CEP85: variants seen among roughly 807,000 people sequenced by gnomAD.
CEP85 encodes centrosomal protein of 85 kDa.
In CEP85, 58 loss-of-function variants were observed where a neutral mutation model predicts 93.7. The observed-to-expected ratio is 0.62, with a 90% CI of 0.50 to 0.77. CEP85 has a LOEUF of 0.77. CEP85 is among the 30% of genes least tolerant of loss of function. The pLI is 0.00. For missense variants in CEP85, 868 were observed against 922.0 expected, an observed-to-expected ratio of 0.94 and a Z score of 0.76; for synonymous variants, 314 against 338.6, an observed-to-expected ratio of 0.93 and a Z score of 0.80.
At position 26,255,586 on chromosome 1, in the gene CEP85, C is replaced by T; in HGVS notation, c.624C>T (p.His208=). ...YSDPHHRVRF[H]NPRTSTSKEL... Reference sequence around the variant, plus strand: ...ATCCTCACCACCGAGTCCGCTTCCACAACCCAAGAACCAGCACAAGTAAGG... The same window carrying T: ...ATCCTCACCACCGAGTCCGCTTCCATAACCCAAGAACCAGCACAAGTAAGG... Residue 208 remains histidine (H), a synonymous_variant, in exon 4 of 14, where the codon CAC becomes CAT. Coordinates refer to ENST00000451429, the MANE Select transcript of CEP85 (RefSeq NM_001319944.2). The T allele has an allele frequency of 6.2e-7, 1 of 1,614,154 alleles. No individual in the cohort carries two copies. Among genetic ancestry groups the T allele is most frequent in the Non-Finnish European group, 8.5e-7 (1 of 1,180,032 alleles).
chr1:26,269,155 T>A, intron 8 of CEP85: 1 of 320,916 alleles, frequency 3.1e-6, no homozygotes, highest in Non-Finnish European at 5.9e-6. Flanking sequence ...ATAAACCTGT[T>A]CCCTTTAAAA....
chr1:26,269,592 G>C lies in CEP85; in HGVS notation c.1627G>C (p.Glu543Gln). Residue 543 changes from glutamate (E) to glutamine (Q), a missense_variant, in exon 9 of 14, where the codon GAA becomes CAA. Glu to Gln is a conservative substitution (Grantham distance 29). Transcript: ENST00000451429. Reference protein sequence around the residue: ...QLESLRQREAEFSSAGHSLQD... With the variant: ...QLESLRQREAQFSSAGHSLQD... ...GGAAAGCCTGAGGCAGAGAGAAGCAGAATTCTCCTCCGCTGGACATAGGTA... is the reference window on the plus strand; with the variant it reads ...GGAAAGCCTGAGGCAGAGAGAAGCACAATTCTCCTCCGCTGGACATAGGTA... 1.2e-6 allele frequency: 2 copies of C among 1,613,800 alleles called. No homozygotes were observed. Among genetic ancestry groups the C allele is most frequent in the Non-Finnish European group, 8.5e-7 (1 of 1,179,856 alleles).
chr1:26,258,032 G>T, intron 5 of CEP85, 111 bp from the exon 6 acceptor site: 1 of 762,182 alleles, frequency 1.3e-6, no homozygotes. Context: ...AGAAAATAGT[G>T]ATATCCAGAA....
intron 1 of CEP85, among the ~76,000 whole-genome samples, chr1:26,237,017 G>C (rs1368153951): frequency 6.6e-6 from 1 of 152,142 alleles, no homozygotes; most frequent in Non-Finnish European, 1.5e-5. Flanking sequence ...GTTTCTTACA[G>C]ACATCTGTGT....
At chr1:26,252,495 G>A (rs1309304682) in intron 3 of CEP85, among the ~76,000 whole-genome samples, 1 of 152,192 alleles carries the variant, frequency 6.6e-6, no homozygotes, top group African/African-American at 2.4e-5. Context: ...TCGCGCCATT[G>A]CACTCCAGCC....
rs372572989 is a variant in CEP85 at position 26,269,849 on chromosome 1, C to G, written c.1649+235C>G. On this transcript the variant is annotated intron_variant, in intron 9 of 13. Transcript: ENST00000451429. Reference sequence around the variant, plus strand: ...TCGCCCAGGCTGGAGTGCAGTGGTGCAATCTTGGCTCACTGCAAGCTCCGC... The same window carrying G: ...TCGCCCAGGCTGGAGTGCAGTGGTGGAATCTTGGCTCACTGCAAGCTCCGC... 6.9e-3 allele frequency among the ~76,000 whole-genome samples: 850 copies of G among 122,408 alleles called. 7 individuals are homozygous for G. Among genetic ancestry groups the G allele is most frequent in the African/African-American group, 0.026 (829 of 31,982 alleles). 80.3% of individuals were successfully genotyped at this position (122,408 alleles called of 152,430 possible). A position where few individuals can be genotyped will look rare whatever the true frequency, so the allele number is the denominator to read the frequency against.
At chr1:26,276,483 C>G in intron 12 of CEP85, 52 bp from the exon 13 acceptor site, 1 of 1,419,244 alleles carries the variant, frequency 7.0e-7, no homozygotes, top group East Asian at 2.3e-5. Flanking sequence ...TGCACAGATA[C>G]TCTTCCTCTC....
intron 11 of CEP85, chr1:26,272,298 A>C: frequency 1.9e-6 from 1 of 536,676 alleles, no homozygotes; most frequent in Non-Finnish European, 3.3e-6. Context: ...GGGGGAGTGC[A>C]GGAGAGTCAG....
chr1:26,267,565 A>G (rs1362349078), intron 7 of CEP85, among the ~76,000 whole-genome samples: 3 of 152,198 alleles, frequency 2.0e-5, no homozygotes, highest in Admixed American at 1.3e-4. Context: ...ACTGTCTCAA[A>G]AAAAGGGGGG....
At position 26,275,163 on chromosome 1, in the gene CEP85, G is replaced by T. The variant is rs1448279353; in HGVS notation, c.1902+92G>T. ...CATCTCTACCCCAATAAGAGCCCCA[G>T]TGTTTGAAAGGGAAAGGTCCCTACT... On this transcript the variant is annotated intron_variant, in intron 12 of 13. Coordinates refer to ENST00000451429, the MANE Select transcript of CEP85 (RefSeq NM_001319944.2). 8 of 914,336 alleles carry T rather than the reference G, an allele frequency of 8.7e-6. No homozygotes were observed. In the South Asian group the frequency reaches 1.2e-4, roughly 14 times the overall value. 56.6% of individuals were successfully genotyped at this position (914,336 alleles called of 1,614,324 possible). A position where few individuals can be genotyped will look rare whatever the true frequency, so the allele number is the denominator to read the frequency against.
rs1296993931 is a variant in CEP85 at position 26,269,615 on chromosome 1, G to A, written c.1649+1G>A. ...CAGAATTCTCCTCCGCTGGACATAG[G>A]TAAATAACCCTGTGGGACTGAGAGG... On this transcript the variant is annotated splice_donor_variant, in intron 9 of 13. Transcript: ENST00000451429. LOFTEE classifies it high-confidence loss of function. 2 of 1,612,330 alleles carry A rather than the reference G, an allele frequency of 1.2e-6. No individual in the cohort carries two copies. Among genetic ancestry groups the A allele is most frequent in the Non-Finnish European group, 1.7e-6 (2 of 1,179,028 alleles).
chr1:26,270,108 A>G (rs538325588), intron 9 of CEP85, among the ~76,000 whole-genome samples: 1 of 152,270 alleles, frequency 6.6e-6, no homozygotes, highest in South Asian at 2.1e-4. Flanking sequence ...GGCATGGAGT[A>G]TGGATGCAGT....
At chr1:26,270,600 G>T (rs1007211602) in intron 9 of CEP85, among the ~76,000 whole-genome samples, 4 of 152,204 alleles carry the variant, frequency 2.6e-5, no homozygotes, top group African/African-American at 9.7e-5. Flanking sequence ...GGAAACCATT[G>T]GTTAGAGTCA....
rs767243608 is a variant in CEP85 at position 26,259,771 on chromosome 1, A to C, written c.1310A>C (p.His437Pro). 3.1e-6 allele frequency: 5 copies of C among 1,612,818 alleles called. No homozygotes were observed. The Admixed American group carries it at 5.0e-5, about 16-fold the overall frequency. ...TCGCTCAAAGTGGCGTTGCAGAAGCATTCTGAGGAAGTGAAGAAACAGGAA... is the reference window on the plus strand; with the variant it reads ...TCGCTCAAAGTGGCGTTGCAGAAGCCTTCTGAGGAAGTGAAGAAACAGGAA... ...RESLKVALQK[H>P]SEEVKKQEER... The change falls in exon 7 of 14, where the codon CAT becomes CCT. Residue 437 changes from histidine to proline, a missense_variant. Transcript: ENST00000451429.
intron 5 of CEP85, 132 bp downstream of exon 5, chr1:26,257,862 G>A: frequency 3.0e-6 from 3 of 1,009,130 alleles, no homozygotes; most frequent in Non-Finnish European, 4.4e-6. Flanking sequence ...GGTGGAGGTA[G>A]TTTGATAAGC....
At chr1:26,247,155 G>A (rs2089523430) in intron 3 of CEP85, among the ~76,000 whole-genome samples, 1 of 152,194 alleles carries the variant, frequency 6.6e-6, no homozygotes, top group African/African-American at 2.4e-5. Context: ...CAGAATAGGT[G>A]AATGTACAGA....
At position 26,276,735 on chromosome 1, in the gene CEP85, T is replaced by A. The variant is rs2090058464; in HGVS notation, c.2103T>A (p.Asn701Lys). 1.9e-6 allele frequency: 3 copies of A among 1,613,500 alleles called. No homozygotes were observed. Among genetic ancestry groups the A allele is most frequent in the Non-Finnish European group, 2.5e-6 (3 of 1,179,706 alleles). The change falls in exon 13 of 14, where the codon AAT becomes AAA. Residue 701 changes from asparagine (N) to lysine (K), a missense_variant. Coordinates refer to ENST00000451429, the MANE Select transcript of CEP85 (RefSeq NM_001319944.2). The part of the protein sequence containing the change: ...VTQRAQGHDP[N>K]LSLLLGIHSQ... ...AGAGGGCCCAGGGCCATGACCCCAA[T>A]CTCTCCCTGCTCCTGGGCATTCACT...
intron 9 of CEP85, among the ~76,000 whole-genome samples, chr1:26,269,923 A>G (rs2089949611): frequency 6.6e-6 from 1 of 150,766 alleles, no homozygotes; most frequent in African/African-American, 2.4e-5. Context: ...AGTAGCTGGG[A>G]CTACAGGCGC....
chr1:26,277,326 G>C lies in CEP85; in HGVS notation c.*33G>C, dbSNP rs1472297341. On this transcript the variant is annotated 3_prime_UTR_variant, in exon 14 of 14. Transcript: ENST00000451429. ...TGGGGGATTCCCCCAGGGAGGAGCT[G>C]GGCTGCTGAGAGCCTAGTCCAGCAG... is the stretch of plus-strand genomic sequence containing the variant. 6.3e-7 allele frequency: 1 copy of C among 1,592,754 alleles called. No homozygotes were observed. The highest frequency in any genetic ancestry group is 8.6e-7 in the Non-Finnish European group (1 of 1,162,254).
Sources: gnomAD v4.1 joint callset for allele counts (sites outside exome capture counted in the v4.1 genomes callset) on GRCh38, gnomAD v4.1.1 for gene constraint, MANE v1.5 for transcripts, NCBI Gene and HGNC (gene_info 2026-07-23, HGNC 2026-07-21) for gene names.